PLEKHA8: variants seen among roughly 807,000 people sequenced by gnomAD.
The protein encoded by PLEKHA8 is pleckstrin homology domain-containing family A member 8.
A neutral mutation model predicts 68.2 loss-of-function variants in PLEKHA8; 36 were observed. The ratio of observed to expected loss-of-function variants is 0.53; its 90% confidence interval spans 0.40 to 0.70. PLEKHA8 has a LOEUF of 0.70. PLEKHA8 is among the 30% of genes least tolerant of loss of function. PLEKHA8 has a pLI of 0.00. For missense variants in PLEKHA8, 505 were observed against 615.4 expected, an observed-to-expected ratio of 0.82 and a Z score of 1.90; for synonymous variants, 211 against 216.1, an observed-to-expected ratio of 0.98 and a Z score of 0.20.
chr7:30,110,679 C>T (rs568990112), intron 13 of PLEKHA8, among the ~76,000 whole-genome samples: 52 of 152,276 alleles, frequency 3.4e-4, no homozygotes, highest in South Asian at 1.4e-3. Flanking sequence ...TCCCCATCAA[C>T]GCTTGTTATC....
At chr7:30,066,256 T>C (rs1293811047) in intron 12 of PLEKHA8, among the ~76,000 whole-genome samples, 3 of 152,248 alleles carry the variant, frequency 2.0e-5, no homozygotes, top group African/African-American at 7.2e-5. Flanking sequence ...TTGTATGGTC[T>C]TAATGGCCTT....
intron 1 of PLEKHA8, among the ~76,000 whole-genome samples, chr7:30,030,697 A>G (rs756613536): frequency 1.8e-4 from 28 of 152,202 alleles, no homozygotes; most frequent in Non-Finnish European, 8.8e-5. Flanking sequence ...GGTATTTTCC[A>G]GATATACATA....
intron 13 of PLEKHA8, among the ~76,000 whole-genome samples, chr7:30,075,657 A>G (rs1583437797): frequency 6.6e-6 from 1 of 152,152 alleles, no homozygotes; most frequent in Non-Finnish European, 1.5e-5. Context: ...ATCTCCCTGA[A>G]TGAATATTGT....
chr7:30,086,984 C>T (rs1423031554), downstream of PLEKHA8, among the ~76,000 whole-genome samples: 2 of 152,288 alleles, frequency 1.3e-5, no homozygotes, highest in African/African-American at 4.8e-5. Context: ...GGTCTGACAT[C>T]AGCACTGAGG....
chr7:30,124,907 T>C (rs1464240938), intron 13 of PLEKHA8, among the ~76,000 whole-genome samples: 1 of 151,760 alleles, frequency 6.6e-6, no homozygotes, highest in Non-Finnish European at 1.5e-5. Context: ...AAATTTTTGT[T>C]CTCCCAAAAA....
intron 13 of PLEKHA8, among the ~76,000 whole-genome samples, chr7:30,123,556 C>T (rs1796726667): frequency 6.6e-6 from 1 of 152,172 alleles, no homozygotes. Context: ...TGGGCTTCAG[C>T]TCCAAGTTAG....
chr7:30,039,440 G>T (rs1272683874), intron 1 of PLEKHA8, among the ~76,000 whole-genome samples: 1 of 152,168 alleles, frequency 6.6e-6, no homozygotes, highest in Non-Finnish European at 1.5e-5. Context: ...GCTTGAACTC[G>T]GGAGGCGGAG....
rs1021821053 is a variant in PLEKHA8 at position 30,078,873 on chromosome 7, C to T, written c.*86C>T. The T allele has an allele frequency of 3.4e-6, 5 of 1,487,826 alleles. No homozygotes were observed. The African/African-American group carries it at 4.2e-5, about 13-fold the overall frequency. The allele number at this position is 1,487,826 out of a possible 1,614,324, so 92.2% of individuals were successfully genotyped here. On this transcript the variant is annotated 3_prime_UTR_variant, in exon 14 of 14. Transcript: ENST00000449726. ...ACTTAATTTCCAGCAACAGCCTCAA[C>T]CCTCTCCAACCCCTTCACCTGGGGG... is the stretch of plus-strand genomic sequence containing the variant.
At chr7:30,061,042 G>T in intron 10 of PLEKHA8, 100 bp downstream of exon 10, 3 of 1,111,996 alleles carry the variant, frequency 2.7e-6, no homozygotes, top group Non-Finnish European at 4.0e-6. Context: ...TGAAAAATGT[G>T]TCACTGTTCT....
intron 13 of PLEKHA8, among the ~76,000 whole-genome samples, chr7:30,078,126 T>C (rs1371921724): frequency 2.6e-5 from 4 of 152,112 alleles, no homozygotes; most frequent in African/African-American, 9.7e-5. Context: ...AAGATTATTC[T>C]TATGGGGGAA....
rs1794239922 is a variant in PLEKHA8 at position 30,071,542 on chromosome 7, T to G, written c.1301-2529T>G. Among the ~76,000 whole-genome samples the G allele has an allele frequency of 1.3e-5, 2 of 152,228 alleles. 1 individual carries two copies. The highest frequency in any genetic ancestry group is 4.1e-4 in the South Asian group (2 of 4,828). On this transcript the variant is annotated intron_variant, in intron 12 of 13. Coordinates refer to ENST00000449726, the MANE Select transcript of PLEKHA8 (RefSeq NM_001197026.2). ...TACAGATAGCTACTCTAGCAGTTATTGACTTATACAATAATGATTGTTAAA... is the reference window on the plus strand; with the variant it reads ...TACAGATAGCTACTCTAGCAGTTATGGACTTATACAATAATGATTGTTAAA...
At chr7:30,090,701 A>C in exon 13 of PLEKHA8, 2 of 672,326 alleles carry the variant, frequency 3.0e-6, no homozygotes, top group Non-Finnish European at 3.7e-6. Flanking sequence ...CAATTTCTTA[A>C]ATTTTTTGGT....
At chr7:30,123,647 TGAGAAA>T (rs1329587462) in intron 13 of PLEKHA8, among the ~76,000 whole-genome samples, 2 of 152,078 alleles carry the variant, frequency 1.3e-5, no homozygotes, top group Non-Finnish European at 2.9e-5. Context: ...TTTTGAGCTC[TGAGAAA>T]TTAAGGATCA....
At chr7:30,125,132 T>C (rs1000380005) in intron 13 of PLEKHA8, among the ~76,000 whole-genome samples, 1 of 152,188 alleles carries the variant, frequency 6.6e-6, no homozygotes, top group Admixed American at 6.5e-5. Flanking sequence ...ATCACAAACT[T>C]GTTTCTTTCA....
In PLEKHA8 at chr7:30,080,973, TGTCACCTCAGG is replaced by T. The variant is rs1794902297; in HGVS notation, c.*2187_*2197del. 1 of 985,260 alleles carries T rather than the reference TGTCACCTCAGG, an allele frequency of 1.0e-6. No homozygotes were observed. Among genetic ancestry groups the T allele is most frequent in the African/African-American group, 1.7e-5 (1 of 57,228 alleles). The allele number at this position is 985,260 out of a possible 1,614,324, so 61.0% of individuals were successfully genotyped here. Reference sequence around the variant, plus strand: ...ATTCTAAACAGCTGCTGGTGCTCCCTGTCACCTCAGGTGAACTCTGTGGTCTCTTGGAGAGG... The same window carrying T: ...ATTCTAAACAGCTGCTGGTGCTCCCTTGAACTCTGTGGTCTCTTGGAGAGG... On this transcript the variant is annotated 3_prime_UTR_variant, in exon 14 of 14. Transcript: ENST00000449726.
chr7:30,068,097 G>C (rs1793989590), intron 12 of PLEKHA8, among the ~76,000 whole-genome samples: 1 of 152,208 alleles, frequency 6.6e-6, no homozygotes, highest in African/African-American at 2.4e-5. Context: ...TGTGCTGCCA[G>C]AACAGTGGTT....
At chr7:30,050,964 G>T (rs1442679411) in intron 6 of PLEKHA8, among the ~76,000 whole-genome samples, 3 of 152,108 alleles carry the variant, frequency 2.0e-5, no homozygotes, top group African/African-American at 2.4e-5. Context: ...CCATGAAAGT[G>T]GGCTAAATTA....
intron 13 of PLEKHA8, chr7:30,129,196 G>C (rs1416106250): frequency 1.2e-6 from 2 of 1,608,788 alleles, no homozygotes; most frequent in Admixed American, 1.7e-5. Context: ...GGAAGTTGCT[G>C]GTTGGGACTA....
chr7:30,049,080 G>T, intron 4 of PLEKHA8, 144 bp from the exon 5 acceptor site: 1 of 926,830 alleles, frequency 1.1e-6, no homozygotes. Context: ...AGATAAATTG[G>T]GCTTTTCTTT....
Sources: allele counts gnomAD v4.1 joint callset (sites outside exome capture counted in the v4.1 genomes callset), GRCh38; gene constraint gnomAD v4.1.1; transcripts MANE v1.5; gene names NCBI Gene and HGNC (gene_info 2026-07-23, HGNC 2026-07-21).